The following DRAM2 variants were observed in gnomAD, a reference collection of about 807,000 sequenced individuals.
DRAM2 encodes the protein DNA damage-regulated autophagy modulator protein 2.
A neutral mutation model predicts 33.5 loss-of-function variants in DRAM2; 26 were observed. The observed-to-expected ratio is 0.78, with a 90% confidence interval of 0.57 to 1.08. DRAM2 has a LOEUF of 1.08. Ranked by LOEUF, DRAM2 falls within the 50% of genes least tolerant of loss-of-function variation. The probability of loss-of-function intolerance (pLI) is 0.00; values close to 1 mark genes in which losing one functional copy is unlikely to be tolerated. For synonymous variants in DRAM2, 98 were observed against 109.5 expected (o/e 0.89, Z 0.66); for missense variants, 311 against 318.1 (o/e 0.98, Z 0.17).
intron 9 of DRAM2, 161 bp from the exon 10 acceptor site, chr1:111,118,428 A>C: frequency 1.9e-6 from 1 of 529,164 alleles, no homozygotes. Flanking sequence ...TGTACCAATT[A>C]AAATCTGGAA....
chr1:111,136,516 C>A (rs1653199075), intron 3 of DRAM2, among the ~76,000 whole-genome samples: 1 of 151,840 alleles, frequency 6.6e-6, no homozygotes, highest in Non-Finnish European at 1.5e-5. Context: ...CCCAGGGAGG[C>A]AGAGGTTGCA....
intron 6 of DRAM2, chr1:111,122,639 T>C (rs948842014): frequency 6.6e-6 from 1 of 151,568 alleles, no homozygotes; most frequent in South Asian, 2.1e-4. Flanking sequence ...TAGTAAACGT[T>C]TACTCTGGAA....
chr1:111,118,616 A>T (rs1649380655), intron 9 of DRAM2, 189 bp downstream of exon 9: 6 of 515,270 alleles, frequency 1.2e-5, no homozygotes, highest in African/African-American at 2.0e-5. Flanking sequence ...TCTTGCTAGC[A>T]ATACACTACT....
chr1:111,123,401 T>C (rs533138111), intron 6 of DRAM2, among the ~76,000 whole-genome samples: 1 of 152,266 alleles, frequency 6.6e-6, no homozygotes, highest in South Asian at 2.1e-4. Context: ...CCAGCTCAGG[T>C]TCCTCTGAAC....
At chr1:111,119,295 G>A (rs1447192072) in intron 8 of DRAM2, among the ~76,000 whole-genome samples, 1 of 151,824 alleles carries the variant, frequency 6.6e-6, no homozygotes, top group Admixed American at 6.6e-5. Context: ...GTTACAATTG[G>A]GAAAATCTAG....
rs1241219182 is a variant in DRAM2 at position 111,137,267 on chromosome 1, A to C, written c.-15+256T>G. Among the ~76,000 whole-genome samples the C allele has an allele frequency of 5.3e-5, 8 of 152,062 alleles. No individual in the cohort carries two copies. In the East Asian group the frequency reaches 7.7e-4, roughly 15 times the overall value. On this transcript the variant is annotated intron_variant, in intron 3 of 9. Coordinates refer to ENST00000484310, the MANE Select transcript of DRAM2 (RefSeq NM_001349884.2). ...ATTCCATCTCAAAAAAAAAAAAAAA[A>C]AAAAAAATTTCCATGATTGTGGAAA... is the stretch of plus-strand genomic sequence containing the variant.
chr1:111,122,619 TTTAA>T (rs1220289613), intron 6 of DRAM2: 1 of 151,480 alleles, frequency 6.6e-6, no homozygotes, highest in Admixed American at 6.6e-5. Flanking sequence ...CACTCACCAC[TTTAA>T]TTAAGTAGTA....
At chr1:111,136,643 G>A (rs1472503518) in intron 3 of DRAM2, among the ~76,000 whole-genome samples, 2 of 151,994 alleles carry the variant, frequency 1.3e-5, no homozygotes, top group Non-Finnish European at 2.9e-5. Context: ...AACACAGATT[G>A]TACCATCTGC....
chr1:111,121,371 T>C (rs1424759681), intron 6 of DRAM2, among the ~76,000 whole-genome samples: 1 of 152,064 alleles, frequency 6.6e-6, no homozygotes, highest in Admixed American at 6.6e-5. Context: ...GAGCCTCCAA[T>C]AAGAGAATCA....
chr1:111,120,458 T>C, intron 7 of DRAM2, 58 bp downstream of exon 7: 1 of 1,283,508 alleles, frequency 7.8e-7, no homozygotes, highest in Non-Finnish European at 1.0e-6. Flanking sequence ...TAGTGTTTAC[T>C]TAAATCTTGT....
Position 111,126,359 on chromosome 1 carries a change from G to T in DRAM2, c.132-65C>A, listed in dbSNP as rs539068254. 52 of 933,388 alleles carry T rather than the reference G, an allele frequency of 5.6e-5. No individual in the cohort carries two copies. In the East Asian group the frequency reaches 1.1e-3, roughly 20 times the overall value. 57.8% of individuals were successfully genotyped at this position (933,388 alleles called of 1,614,324 possible). A position where few individuals can be genotyped will look rare whatever the true frequency, so the allele number is the denominator to read the frequency against. On this transcript the variant is annotated intron_variant, in intron 4 of 9. Coordinates refer to ENST00000484310, the MANE Select transcript of DRAM2 (RefSeq NM_001349884.2). Reference sequence around the variant, plus strand: ...AGATAAACACATATATTTCTTCTAAGGGATAAGAATATCAGGAGTTAATTC... The same window carrying T: ...AGATAAACACATATATTTCTTCTAATGGATAAGAATATCAGGAGTTAATTC...
Position 111,131,442 on chromosome 1 carries a change from G to A in DRAM2, c.113C>T (p.Pro38Leu), listed in dbSNP as rs781461022. ...CACTTACCTGATATAAGGTAAAGCC[G>A]GGTCTATATGGTGGAGTGTTACTGC... ...ITAVTLHHID[P>L]ALPYISDTGT... The change falls in exon 4 of 10, where the codon CCG becomes CTG. Residue 38 changes from proline (P) to leucine (L), a missense_variant. Pro to Leu is a moderately conservative substitution (Grantham distance 98, BLOSUM62 -3). Transcript: ENST00000484310. 19 of 1,613,746 alleles carry A rather than the reference G, an allele frequency of 1.2e-5. No homozygotes were observed. Among genetic ancestry groups the A allele is most frequent in the Middle Eastern group, 1.6e-4 (1 of 6,062 alleles).
At chr1:111,124,665 G>T (rs935299391) in intron 6 of DRAM2, 77 bp downstream of exon 6, 1 of 1,477,682 alleles carries the variant, frequency 6.8e-7, no homozygotes, top group Admixed American at 2.0e-5. Context: ...GCATGTAACT[G>T]AATGCTTCAG....
In DRAM2 at chr1:111,120,535, A is replaced by G. The variant is rs1471121022; in HGVS notation, c.498T>C (p.Cys166=). The G allele has an allele frequency of 6.2e-7, 1 of 1,608,288 alleles. No homozygotes were observed. The highest frequency in any genetic ancestry group is 1.3e-5 in the African/African-American group (1 of 74,490). ...GGATACTGCTAAGTGCACTTACTCC[A>G]CACCAGATAACCAACAACAGTCTGA... The part of the protein sequence containing the change: ...FWIRLLLVIW[C]GVSALSMLTC... Residue 166 remains cysteine (C), a synonymous_variant, in exon 7 of 10, where the codon TGT becomes TGC. Coordinates refer to ENST00000484310, the MANE Select transcript of DRAM2 (RefSeq NM_001349884.2).
rs1649888388 is a variant in DRAM2, at chr1:111,120,704, G to A, written c.340-11C>T. The A allele has an allele frequency of 1.3e-6, 2 of 1,484,404 alleles. No individual in the cohort carries two copies. Among genetic ancestry groups the A allele is most frequent in the African/African-American group, 2.9e-5 (2 of 69,292 alleles). The allele number at this position is 1,484,404 out of a possible 1,614,324, so 92.0% of individuals were successfully genotyped here. On this transcript the variant is annotated splice_polypyrimidine_tract_variant and intron_variant, in intron 6 of 9. Coordinates refer to ENST00000484310, the MANE Select transcript of DRAM2 (RefSeq NM_001349884.2). The stretch of plus-strand genomic sequence containing the variant: ...AAAAAGGGTTGTTTTCTGAGAGATA[G>A]AGAGAAGAAATACGTCAATAAAAGA...
In DRAM2 at chr1:111,127,790, C is replaced by A. The variant is rs112853401; in HGVS notation, c.132-1496G>T. Reference sequence around the variant, plus strand: ...GGAGAGAATGACATACACTGGCCTACAAATGAAAACAGCCATGCCCATCAC... The same window carrying A: ...GGAGAGAATGACATACACTGGCCTAAAAATGAAAACAGCCATGCCCATCAC... On this transcript the variant is annotated intron_variant, in intron 4 of 9. Coordinates refer to ENST00000484310, the MANE Select transcript of DRAM2 (RefSeq NM_001349884.2). Among the ~76,000 whole-genome samples, 448 of 152,144 alleles carry A rather than the reference C, an allele frequency of 2.9e-3. 3 individuals are homozygous for A. Among genetic ancestry groups the A allele is most frequent in the African/African-American group, 7.5e-3 (310 of 41,524 alleles).
chr1:111,118,060 A>AT lies in DRAM2; in HGVS notation c.*99dup. 1 of 1,065,002 alleles carries AT rather than the reference A, an allele frequency of 9.4e-7. No individual in the cohort carries two copies. Among genetic ancestry groups the AT allele is most frequent in the Admixed American group, 1.8e-5 (1 of 56,152 alleles). 66.0% of individuals were successfully genotyped at this position (1,065,002 alleles called of 1,614,324 possible). ...TTCATCAGTGTTACTGTCAGCCTTG[A>AT]TTAAGTGGTTGAAAATTTCAGAGAA... On this transcript the variant is annotated 3_prime_UTR_variant, in exon 10 of 10. Transcript: ENST00000484310.
intron 3 of DRAM2, among the ~76,000 whole-genome samples, chr1:111,132,733 G>A: frequency 6.7e-6 from 1 of 149,040 alleles, no homozygotes; most frequent in Non-Finnish European, 1.5e-5. Context: ...CCAGGCTGGA[G>A]TGCAGTGGTG....
chr1:111,120,205 T>A (rs1649705401), intron 7 of DRAM2, among the ~76,000 whole-genome samples: 1 of 151,584 alleles, frequency 6.6e-6, no homozygotes. Context: ...TATCATAATC[T>A]TTAACTAGAT....
Sources: allele counts gnomAD v4.1 joint callset (sites outside exome capture counted in the v4.1 genomes callset), GRCh38; gene constraint gnomAD v4.1.1; transcripts MANE v1.5; gene names NCBI Gene and HGNC (gene_info 2026-07-23, HGNC 2026-07-21).